Variants in RANBP2 observed in about 807,000 individuals in gnomAD.
The protein encoded by RANBP2 is RAN binding protein 2.
A neutral mutation model predicts 303.6 loss-of-function variants in RANBP2; 57 were observed. That is an observed-to-expected ratio of 0.19 (90% confidence interval 0.15 to 0.23). The LOEUF (loss-of-function observed/expected upper bound fraction) is 0.23. Among genes scored for constraint, RANBP2 ranks in the 10% least tolerant of loss-of-function variants. The pLI, the probability that RANBP2 is intolerant of heterozygous loss-of-function variation, is 1.00. For synonymous variants in RANBP2, 1,167 were observed against 1,301.5 expected (o/e 0.90, Z 2.23); for missense variants, 3,138 against 3,780.8 (o/e 0.83, Z 4.46).
At chr2:108,884,358 G>A in the RANBP2 span, 1 of 152,194 alleles carries the variant, frequency 6.6e-6, no homozygotes, top group Admixed American at 6.5e-5. Flanking sequence ...CAGAATGGGA[G>A]CTAGCAGTGT....
At chr2:109,066,872 C>G in the RANBP2 span, among the ~76,000 whole-genome samples, 1 of 152,084 alleles carries the variant, frequency 6.6e-6, no homozygotes, top group Admixed American at 6.5e-5. Flanking sequence ...CCAAGAACCC[C>G]CCAGGAATAA....
At chr2:109,072,119 A>G in the RANBP2 span, among the ~76,000 whole-genome samples, 3 of 152,198 alleles carry the variant, frequency 2.0e-5, no homozygotes, top group African/African-American at 4.8e-5. Context: ...TATATATGCA[A>G]TGTTATTTAA....
chr2:109,515,212 C>T, the RANBP2 span, among the ~76,000 whole-genome samples: 19 of 152,308 alleles, frequency 1.2e-4, no homozygotes, highest in East Asian at 3.9e-4. Flanking sequence ...AATGGAAACT[C>T]GGCGGCACCC....
the RANBP2 span, among the ~76,000 whole-genome samples, chr2:109,001,831 T>C: frequency 7.1e-4 from 108 of 152,122 alleles, no homozygotes; most frequent in African/African-American, 2.3e-3. Flanking sequence ...CCTGGGTTCA[T>C]GCCATTCTCC....
chr2:109,266,787 C>T, the RANBP2 span, among the ~76,000 whole-genome samples: 38 of 152,250 alleles, frequency 2.5e-4, no homozygotes, highest in East Asian at 6.4e-3. Flanking sequence ...TGTGCCCACT[C>T]GCACATGCAT....
At chr2:109,347,976 G>A in the RANBP2 span, 11 of 1,569,150 alleles carry the variant, frequency 7.0e-6, no homozygotes, top group South Asian at 7.0e-5. Flanking sequence ...GGTGGGCCCC[G>A]CCAGCCCATG....
intron 8 of RANBP2, among the ~76,000 whole-genome samples, chr2:108,747,346 G>A (rs918750175): frequency 6.6e-6 from 1 of 152,190 alleles, no homozygotes; most frequent in Non-Finnish European, 1.5e-5. Context: ...GTAGTTAGGT[G>A]GCCATTGAAT....
At chr2:109,489,711 A>C in the RANBP2 span, among the ~76,000 whole-genome samples, 8 of 131,872 alleles carry the variant, frequency 6.1e-5, 1 homozygote, top group Admixed American at 7.4e-4. Flanking sequence ...AGAGAAAGGA[A>C]AACAAGTGTC....
chr2:108,740,543 A>G lies in RANBP2; in HGVS notation c.837A>G (p.Ser279=). ...CTTTGGGTGGAAATGATGAACTGTC[A>G]GCTACTTTCTTAGAAATGAAAGGAC... is the stretch of plus-strand genomic sequence containing the variant. The part of the protein sequence containing the change: ...VKSLGGNDEL[S]ATFLEMKGHF... Residue 279 remains serine (S), a synonymous_variant, in exon 7 of 29, where the codon TCA becomes TCG. Coordinates refer to ENST00000283195, the MANE Select transcript of RANBP2 (RefSeq NM_006267.5). The G allele has an allele frequency of 6.3e-7, 1 of 1,597,548 alleles. No individual in the cohort carries two copies. The highest frequency in any genetic ancestry group is 8.5e-7 in the Non-Finnish European group (1 of 1,179,782).
chr2:109,474,845 C>T, the RANBP2 span, among the ~76,000 whole-genome samples: 2,345 of 152,368 alleles, frequency 0.015, 66 homozygotes, highest in African/African-American at 0.054. Context: ...GCGCCAAAGT[C>T]TACACTCACT....
chr2:109,128,031 C>A, the RANBP2 span: 2 of 152,290 alleles, frequency 1.3e-5, no homozygotes, highest in Admixed American at 6.5e-5. Flanking sequence ...TAGGCAGGCC[C>A]CCCACGACTC....
At chr2:109,466,674 CAT>C in the RANBP2 span, among the ~76,000 whole-genome samples, 10 of 152,144 alleles carry the variant, frequency 6.6e-5, no homozygotes, top group Non-Finnish European at 1.0e-4. Context: ...TAGATTTTTC[CAT>C]ATGTTATCTT....
chr2:109,512,151 G>A, the RANBP2 span, among the ~76,000 whole-genome samples: 6 of 152,246 alleles, frequency 3.9e-5, no homozygotes, highest in African/African-American at 9.6e-5. Flanking sequence ...CGCCCTCCTC[G>A]GCCTGCTGGA....
the RANBP2 span, among the ~76,000 whole-genome samples, chr2:108,869,004 G>A: frequency 2.0e-5 from 3 of 151,958 alleles, no homozygotes; most frequent in East Asian, 5.8e-4. Context: ...ACTTGGAGTG[G>A]GTTTTATTTT....
the RANBP2 span, among the ~76,000 whole-genome samples, chr2:108,979,363 C>T: frequency 6.6e-6 from 1 of 152,132 alleles, no homozygotes; most frequent in Non-Finnish European, 1.5e-5. Context: ...CCCTGGGCTG[C>T]CCCCTGCCCC....
chr2:109,275,586 G>A, the RANBP2 span, among the ~76,000 whole-genome samples: 1 of 152,284 alleles, frequency 6.6e-6, no homozygotes, highest in East Asian at 1.9e-4. Context: ...AGAGTGCCCC[G>A]CACCCGCCGT....
chr2:109,621,832 TA>T, the RANBP2 span, among the ~76,000 whole-genome samples: 1 of 151,850 alleles, frequency 6.6e-6, no homozygotes, highest in East Asian at 1.9e-4. Flanking sequence ...ATAATCTCTT[TA>T]ACCCGGGAGG....
intron 4 of RANBP2, among the ~76,000 whole-genome samples, chr2:108,734,258 CA>C (rs1269284542): frequency 4.6e-5 from 7 of 151,750 alleles, no homozygotes; most frequent in African/African-American, 1.7e-4. Context: ...TCAGGTTTCT[CA>C]GTGAAGGATG....
At position 108,766,830 on chromosome 2, in the gene RANBP2, T is replaced by C. The variant is rs765228926; in HGVS notation, c.6291T>C (p.Pro2097=). 1.2e-5 allele frequency: 19 copies of C among 1,611,936 alleles called. No individual in the cohort carries two copies. Among genetic ancestry groups the C allele is most frequent in the Non-Finnish European group, 1.5e-5 (18 of 1,179,864 alleles). The part of the protein sequence containing the change: ...HWITTTMNLK[P]LSGSDRAWMW... ...TAACGACTACGATGAACCTGAAGCC[T>C]CTCTCTGGATCAGATAGAGCATGGA... The change falls in exon 20 of 29, where the codon CCT becomes CCC. Residue 2097 remains proline (P), a synonymous_variant. Coordinates refer to ENST00000283195, the MANE Select transcript of RANBP2 (RefSeq NM_006267.5).
Sources: gnomAD v4.1 joint callset for allele counts (sites outside exome capture counted in the v4.1 genomes callset) on GRCh38, gnomAD v4.1.1 for gene constraint, MANE v1.5 for transcripts, NCBI Gene and HGNC (gene_info 2026-07-23, HGNC 2026-07-21) for gene names.